SMYD3: variants seen among roughly 807,000 people sequenced by gnomAD.
SMYD3 encodes SET and MYND domain containing 3.
In SMYD3, 36 loss-of-function variants were observed where a neutral mutation model predicts 57.7. The observed-to-expected ratio is 0.62, with a 90% CI of 0.48 to 0.82. The LOEUF (loss-of-function observed/expected upper bound fraction) is 0.82, where lower values mean the gene tolerates loss of function less well. SMYD3 is among the 40% of genes least tolerant of loss of function. SMYD3 has a pLI of 0.00. For synonymous variants in SMYD3, 211 were observed against 195.0 expected (o/e 1.08, Z -0.68); for missense variants, 515 against 538.8 (o/e 0.96, Z 0.44).
intron 1 of SMYD3, among the ~76,000 whole-genome samples, chr1:246,395,717 G>A (rs1307410355): frequency 5.4e-4 from 19 of 35,088 alleles, no homozygotes; most frequent in Non-Finnish European, 1.2e-3. Context: ...CAGGGAAGAC[G>A]AACACACCAG....
At chr1:245,892,885 C>T (rs1204979709) in intron 8 of SMYD3, among the ~76,000 whole-genome samples, 3 of 152,094 alleles carry the variant, frequency 2.0e-5, no homozygotes, top group Admixed American at 6.6e-5. Flanking sequence ...ATAAACTAAA[C>T]TATTTCAAAA....
At chr1:246,171,728 A>G (rs1173349604) in intron 5 of SMYD3, among the ~76,000 whole-genome samples, 2 of 152,232 alleles carry the variant, frequency 1.3e-5, no homozygotes, top group African/African-American at 4.8e-5. Flanking sequence ...ATACAGTATA[A>G]GGTTGGGCAT....
intron 8 of SMYD3, among the ~76,000 whole-genome samples, chr1:245,867,084 G>A (rs1359838016): frequency 6.6e-6 from 1 of 152,258 alleles, no homozygotes. Flanking sequence ...ATGGGATTAA[G>A]GTTGCTAATC....
At chr1:245,939,855 G>A (rs2057152133) in intron 5 of SMYD3, among the ~76,000 whole-genome samples, 3 of 152,006 alleles carry the variant, frequency 2.0e-5, no homozygotes, top group African/African-American at 7.3e-5. Context: ...AATACCACTG[G>A]TCCCTTAAGA....
intron 5 of SMYD3, among the ~76,000 whole-genome samples, chr1:245,966,878 C>G (rs1309452267): frequency 1.3e-5 from 2 of 152,132 alleles, no homozygotes; most frequent in Non-Finnish European, 2.9e-5. Context: ...CCATATGAAC[C>G]TATCCCCCCT....
Position 246,317,026 on chromosome 1 carries a change from A to T in SMYD3, c.531+10175T>A, listed in dbSNP as rs185083642. On this transcript the variant is annotated intron_variant, in intron 5 of 11. Coordinates refer to ENST00000490107, the MANE Select transcript of SMYD3 (RefSeq NM_001167740.2). The stretch of plus-strand genomic sequence containing the variant: ...AAATAAATAAATAAAATAAAAATTT[A>T]AAAAAAAAGGAAACAGCTAAGAATG... 3.4e-3 allele frequency among the ~76,000 whole-genome samples: 519 copies of T among 150,876 alleles called. 4 individuals carry two copies. Among genetic ancestry groups the T allele is most frequent in the Middle Eastern group, 0.014 (4 of 294 alleles).
At chr1:246,113,530 G>A (rs929634227) in intron 5 of SMYD3, among the ~76,000 whole-genome samples, 8 of 152,276 alleles carry the variant, frequency 5.3e-5, no homozygotes, top group Admixed American at 3.3e-4. Context: ...ACCAAGTAAC[G>A]CAAAGTATAA....
chr1:246,336,616 T>C (rs1006470841), intron 2 of SMYD3, among the ~76,000 whole-genome samples: 4 of 152,156 alleles, frequency 2.6e-5, no homozygotes, highest in African/African-American at 9.7e-5. Context: ...GAAAGCACGC[T>C]AGCATTTACT....
chr1:245,817,376 C>A (rs1251637977), intron 10 of SMYD3, among the ~76,000 whole-genome samples: 1 of 147,292 alleles, frequency 6.8e-6, no homozygotes, highest in Non-Finnish European at 1.5e-5. Flanking sequence ...GAAAGCACAT[C>A]CACACCAAAA....
At chr1:246,036,698 C>T (rs1276076612) in intron 5 of SMYD3, among the ~76,000 whole-genome samples, 59 of 148,060 alleles carry the variant, frequency 4.0e-4, no homozygotes, top group African/African-American at 8.7e-4. Context: ...GGACTACAGG[C>T]GCCTGCCACT....
chr1:245,874,721 G>A (rs911195906), intron 8 of SMYD3, among the ~76,000 whole-genome samples: 8 of 152,142 alleles, frequency 5.3e-5, no homozygotes, highest in African/African-American at 1.9e-4. Context: ...AAAAATTCTA[G>A]AATTGTATTT....
intron 5 of SMYD3, among the ~76,000 whole-genome samples, chr1:246,049,484 T>C (rs1021228367): frequency 2.0e-5 from 3 of 151,686 alleles, no homozygotes; most frequent in Non-Finnish European, 2.9e-5. Context: ...TTTTTGTATT[T>C]TTAGTAGAGA....
intron 5 of SMYD3, among the ~76,000 whole-genome samples, chr1:246,190,584 CA>C (rs11302731): frequency 0.24 from 15,199 of 62,612 alleles, 523 homozygotes; most frequent in African/African-American, 0.4. Flanking sequence ...GACTCTGTCT[CA>C]AAAAAAAAAA....
chr1:246,421,590 T>TA (rs1203623363), intron 1 of SMYD3, among the ~76,000 whole-genome samples: 4 of 151,894 alleles, frequency 2.6e-5, no homozygotes, highest in Non-Finnish European at 5.9e-5. Flanking sequence ...CTTAAAATAC[T>TA]AAAAAAAGAA....
rs1249773606 is a variant in SMYD3 at position 246,134,944 on chromosome 1, A to G, written c.531+192257T>C. Among the ~76,000 whole-genome samples, 4 of 152,190 alleles carry G rather than the reference A, an allele frequency of 2.6e-5. No homozygotes were observed. The South Asian group carries it at 6.2e-4, about 24-fold the overall frequency. On this transcript the variant is annotated intron_variant, in intron 5 of 11. Transcript: ENST00000490107. ...TGTTCCCAGTCAAGCTAAAAAAAAA[A>G]AAAAAACTTAGCATATATGCTGAAG...
chr1:246,255,936 A>G (rs1043768118), intron 5 of SMYD3, among the ~76,000 whole-genome samples: 1 of 99,112 alleles, frequency 1.0e-5, no homozygotes, highest in African/African-American at 3.8e-5. Context: ...TAAGATAGAT[A>G]GATAGATAGA....
intron 5 of SMYD3, among the ~76,000 whole-genome samples, chr1:246,005,739 G>C (rs1171647256): frequency 6.6e-6 from 1 of 152,154 alleles, no homozygotes; most frequent in Non-Finnish European, 1.5e-5. Context: ...AGAATCCTAT[G>C]AAAACTGCAA....
chr1:246,298,979 G>A (rs1485228767), intron 5 of SMYD3, among the ~76,000 whole-genome samples: 1 of 152,154 alleles, frequency 6.6e-6, no homozygotes, highest in African/African-American at 2.4e-5. Context: ...GCAAGGCTGT[G>A]AGTAAGCAAG....
In SMYD3 at chr1:245,952,411, T is replaced by TAAAGAA. The variant is rs930599507; in HGVS notation, c.532-22480_532-22475dup. On this transcript the variant is annotated intron_variant, in intron 5 of 11. Coordinates refer to ENST00000490107, the MANE Select transcript of SMYD3 (RefSeq NM_001167740.2). ...GAAATATGAGAATTACCGATTGTAA[T>TAAAGAA]AAAGAAAAAGAAAAAGACTGACAAG... Among the ~76,000 whole-genome samples the TAAAGAA allele has an allele frequency of 2.6e-5, 4 of 152,046 alleles. No homozygotes were observed. In the East Asian group the frequency reaches 7.7e-4, roughly 29 times the overall value.
Sources: allele counts gnomAD v4.1 joint callset (sites outside exome capture counted in the v4.1 genomes callset), GRCh38; gene constraint gnomAD v4.1.1; transcripts MANE v1.5; gene names NCBI Gene and HGNC (gene_info 2026-07-23, HGNC 2026-07-21).